ERC2: variants seen among roughly 807,000 people sequenced by gnomAD.
The protein encoded by ERC2 is ERC protein 2.
In ERC2, 42 loss-of-function variants were observed where a neutral mutation model predicts 114.8. The observed-to-expected ratio is 0.37, with a 90% CI of 0.29 to 0.47. ERC2 has a LOEUF of 0.47. ERC2 is among the 20% of genes least tolerant of loss of function. The pLI is 0.99. For synonymous variants in ERC2, 454 were observed against 425.5 expected, an observed-to-expected ratio of 1.07 and a Z score of -0.82; for missense variants, 939 against 1,150.7, an observed-to-expected ratio of 0.82 and a Z score of 2.66.
At chr3:56,330,328 C>T (rs879498776) in intron 2 of ERC2, among the ~76,000 whole-genome samples, 1 of 152,182 alleles carries the variant, frequency 6.6e-6, no homozygotes, top group Non-Finnish European at 1.5e-5. Context: ...CATGAGCCAC[C>T]ATACAGGGCC....
rs2061948335 is a variant in ERC2, at chr3:56,434,849, A to G, written c.159T>C (p.Asn53=). ...TLSMENIQSL[N]AAYATSGPMY... The stretch of plus-strand genomic sequence containing the variant: ...TGGGTCCAGACGTAGCATAGGCTGC[A>G]TTGAGGGACTGGATATTCTCCATAG... Residue 53 remains asparagine, a synonymous_variant, in exon 2 of 18, where the codon AAT becomes AAC. Transcript: ENST00000288221. The G allele has an allele frequency of 6.2e-7, 1 of 1,613,798 alleles. No individual in the cohort carries two copies. The highest frequency in any genetic ancestry group is 1.6e-4 in the Middle Eastern group (1 of 6,062).
chr3:55,590,528 A>AT (rs2057821861), intron 17 of ERC2, among the ~76,000 whole-genome samples: 1 of 152,182 alleles, frequency 6.6e-6, no homozygotes, highest in African/African-American at 2.4e-5. Context: ...AATAAATATG[A>AT]TTTTTCCATA....
intron 3 of ERC2, among the ~76,000 whole-genome samples, chr3:56,196,789 G>A (rs775588990): frequency 6.6e-6 from 1 of 152,040 alleles, no homozygotes; most frequent in Non-Finnish European, 1.5e-5. Context: ...AGTAAATCAT[G>A]AGCCATATGT....
At chr3:55,624,343 T>C (rs2059429186) in intron 17 of ERC2, among the ~76,000 whole-genome samples, 2 of 152,008 alleles carry the variant, frequency 1.3e-5, no homozygotes, top group South Asian at 2.1e-4. Context: ...GAACCTAATA[T>C]GGTTGGAAAT....
intron 7 of ERC2, among the ~76,000 whole-genome samples, chr3:56,025,348 T>C: frequency 6.6e-6 from 1 of 152,204 alleles, no homozygotes; most frequent in East Asian, 1.9e-4. Flanking sequence ...AGTCTGGGCA[T>C]GGCCTGATTG....
At chr3:56,073,889 A>G (rs1419174020) in intron 7 of ERC2, among the ~76,000 whole-genome samples, 1 of 152,196 alleles carries the variant, frequency 6.6e-6, no homozygotes, top group Non-Finnish European at 1.5e-5. Flanking sequence ...CTTCTGGGGG[A>G]AGAAAAATTA....
At chr3:56,401,204 T>C (rs1003289509) in intron 2 of ERC2, among the ~76,000 whole-genome samples, 1 of 152,226 alleles carries the variant, frequency 6.6e-6, no homozygotes, top group Non-Finnish European at 1.5e-5. Flanking sequence ...CCAATAAACA[T>C]TGTTTGGTCT....
intron 2 of ERC2, among the ~76,000 whole-genome samples, chr3:56,354,844 G>C (rs1431645168): frequency 1.3e-5 from 2 of 152,196 alleles, no homozygotes; most frequent in African/African-American, 4.8e-5. Flanking sequence ...CTTCTAGTTT[G>C]AATTTACTGA....
At chr3:56,399,243 C>T (rs2060430539) in intron 2 of ERC2, among the ~76,000 whole-genome samples, 2 of 152,220 alleles carry the variant, frequency 1.3e-5, no homozygotes, top group Non-Finnish European at 2.9e-5. Flanking sequence ...CCATTAGAGC[C>T]TGCGTACTTC....
chr3:56,216,062 C>T (rs12638778), intron 3 of ERC2, among the ~76,000 whole-genome samples: 68,184 of 151,818 alleles, frequency 0.45, 15,836 homozygotes, highest in East Asian at 0.71. Context: ...AAATTGACAC[C>T]CTAACATCAC....
intron 17 of ERC2, among the ~76,000 whole-genome samples, chr3:55,629,103 T>C (rs1279238854): frequency 6.6e-6 from 1 of 152,038 alleles, no homozygotes; most frequent in Non-Finnish European, 1.5e-5. Flanking sequence ...AGGGAGTCTG[T>C]CTTCAGACTT....
intron 11 of ERC2, among the ~76,000 whole-genome samples, chr3:55,989,506 C>G (rs987940089): frequency 2.0e-5 from 3 of 152,196 alleles, no homozygotes; most frequent in African/African-American, 7.2e-5. Flanking sequence ...TCTCTTGCAG[C>G]CCAGCAGCAA....
At chr3:55,815,401 T>C (rs2059870573) in intron 14 of ERC2, among the ~76,000 whole-genome samples, 1 of 152,180 alleles carries the variant, frequency 6.6e-6, no homozygotes, top group African/African-American at 2.4e-5. Context: ...ACTAACATAA[T>C]CATCTGAGTT....
Position 56,018,972 on chromosome 3 carries a change from G to A in ERC2, c.1701C>T (p.Asp567=). Residue 567 remains aspartate (D), a synonymous_variant, in exon 8 of 18, where the codon GAC becomes GAT. Coordinates refer to ENST00000288221, the MANE Select transcript of ERC2 (RefSeq NM_015576.3). ...AATCCGTCTGCAAGGACTTCACTCT[G>A]TCTTTCAGGTTGGTCAGTTGCTTGT... ...DKDKQLTNLK[D]RVKSLQTDSS... The A allele has an allele frequency of 6.2e-7, 1 of 1,613,150 alleles. No homozygotes were observed. Among genetic ancestry groups the A allele is most frequent in the Non-Finnish European group, 8.5e-7 (1 of 1,179,448 alleles).
chr3:56,425,461 T>C (rs2061531650), intron 2 of ERC2, among the ~76,000 whole-genome samples: 1 of 152,060 alleles, frequency 6.6e-6, no homozygotes, highest in African/African-American at 2.4e-5. Flanking sequence ...AAAGTCCTGC[T>C]ACAGTTTAAG....
Position 56,291,594 on chromosome 3 carries a change from T to TA in ERC2, c.1074+4424dup, listed in dbSNP as rs891953154. Among the ~76,000 whole-genome samples, 6 of 152,196 alleles carry TA rather than the reference T, an allele frequency of 3.9e-5. 1 individual carries two copies. Among genetic ancestry groups the TA allele is most frequent in the African/African-American group, 1.4e-4 (6 of 41,512 alleles). On this transcript the variant is annotated intron_variant, in intron 3 of 17. Transcript: ENST00000288221. ...ACCACCTCTGCCTAAGAATGAATCA[T>TA]AAAACCACTAGCACTCCATTCCCCA...
intron 2 of ERC2, among the ~76,000 whole-genome samples, chr3:56,419,103 G>A (rs1376674090): frequency 6.6e-6 from 1 of 152,190 alleles, no homozygotes; most frequent in Non-Finnish European, 1.5e-5. Context: ...ATTTTCACAA[G>A]ATGGTAATGG....
intron 14 of ERC2, among the ~76,000 whole-genome samples, chr3:55,777,223 C>G (rs1411095097): frequency 6.6e-6 from 1 of 152,234 alleles, no homozygotes; most frequent in Non-Finnish European, 1.5e-5. Context: ...CCAGGGACAT[C>G]TGGCTTCAGT....
At chr3:56,079,511 G>A (rs188201810) in intron 7 of ERC2, among the ~76,000 whole-genome samples, 2 of 152,274 alleles carry the variant, frequency 1.3e-5, no homozygotes, top group East Asian at 1.9e-4. Flanking sequence ...TGAGACAGGA[G>A]GCCAGACTGG....
Sources: gnomAD v4.1 joint callset for allele counts (sites outside exome capture counted in the v4.1 genomes callset) on GRCh38, gnomAD v4.1.1 for gene constraint, MANE v1.5 for transcripts, NCBI Gene and HGNC (gene_info 2026-07-23, HGNC 2026-07-21) for gene names.